Variants in MTUS2 observed in about 807,000 individuals in gnomAD.
MTUS2 encodes the protein microtubule associated scaffold protein 2.
MTUS2 carries 40 observed loss-of-function variants against 114.1 expected under a neutral mutation model. The observed-to-expected ratio is 0.35, with a 90% CI of 0.27 to 0.46. MTUS2 has a LOEUF of 0.46. MTUS2 is among the 20% of genes least tolerant of loss of function. The pLI is 1.00. For synonymous variants in MTUS2, 688 were observed against 672.0 expected, an observed-to-expected ratio of 1.02 and a Z score of -0.37; for missense variants, 1,679 against 1,705.4, an observed-to-expected ratio of 0.98 and a Z score of 0.27.
chr13:28,838,363 A>G (rs756010350), intron 1 of MTUS2, among the ~76,000 whole-genome samples: 112 of 152,280 alleles, frequency 7.4e-4, no homozygotes, highest in Non-Finnish European at 9.7e-4. Flanking sequence ...TCGAATTAAC[A>G]TTGTGTTGGG....
intron 7 of MTUS2, among the ~76,000 whole-genome samples, chr13:29,350,593 T>C (rs1355739827): frequency 1.3e-5 from 2 of 152,078 alleles, no homozygotes; most frequent in South Asian, 2.1e-4. Context: ...AAGATAGTCA[T>C]GAGAGTGGTA....
intron 5 of MTUS2, among the ~76,000 whole-genome samples, chr13:29,257,984 C>T (rs758616973): frequency 6.6e-6 from 1 of 152,194 alleles, no homozygotes; most frequent in African/African-American, 2.4e-5. Context: ...CCTGAAGCCA[C>T]CTCTACTCAG....
At position 29,440,020 on chromosome 13, in the gene MTUS2, T is replaced by C; in HGVS notation, c.3155T>C (p.Ile1052Thr). Residue 1052 changes from isoleucine to threonine, a missense_variant, in exon 9 of 16, where the codon ATC (isoleucine) becomes ACC (threonine). Coordinates refer to ENST00000612955, the MANE Select transcript of MTUS2 (RefSeq NM_001033602.4). ...SALVKEKELS[I>T]ELANIRDEVA... ...CTTGTGAAAGAAAAAGAGCTGTCAATCGAACTTGCAAACATCAGGGATGAA... is the reference window on the plus strand; with the variant it reads ...CTTGTGAAAGAAAAAGAGCTGTCAACCGAACTTGCAAACATCAGGGATGAA... 6.3e-7 allele frequency: 1 copy of C among 1,589,526 alleles called. No homozygotes were observed. The highest frequency in any genetic ancestry group is 8.6e-7 in the Non-Finnish European group (1 of 1,166,258).
chr13:29,500,310 A>G (rs1370519780), intron 14 of MTUS2, among the ~76,000 whole-genome samples: 1 of 152,234 alleles, frequency 6.6e-6, no homozygotes, highest in Non-Finnish European at 1.5e-5. Context: ...AGTCCTGTTC[A>G]TGGAAAAGGG....
intron 8 of MTUS2, among the ~76,000 whole-genome samples, chr13:29,363,031 C>T (rs768154302): frequency 6.6e-6 from 1 of 152,298 alleles, no homozygotes; most frequent in East Asian, 1.9e-4. Context: ...TTCCTCACCA[C>T]GGGCCAAACA....
At chr13:28,936,529 A>T (rs1881908400) in intron 2 of MTUS2, among the ~76,000 whole-genome samples, 1 of 151,730 alleles carries the variant, frequency 6.6e-6, no homozygotes, top group South Asian at 2.1e-4. Context: ...GTTGGATGGG[A>T]CTGAGTGTCT....
chr13:29,255,084 G>C (rs987016710), intron 5 of MTUS2, among the ~76,000 whole-genome samples: 3 of 152,120 alleles, frequency 2.0e-5, no homozygotes, highest in Non-Finnish European at 4.4e-5. Context: ...TTTCCCAGCG[G>C]TGCACACATG....
intron 2 of MTUS2, among the ~76,000 whole-genome samples, chr13:28,907,738 C>A (rs1880131577): frequency 6.6e-6 from 1 of 151,696 alleles, no homozygotes; most frequent in South Asian, 2.1e-4. Context: ...TACAGGAGCA[C>A]CCAAATTCAT....
intron 4 of MTUS2, among the ~76,000 whole-genome samples, chr13:29,075,794 G>C (rs1216270430): frequency 1.3e-5 from 2 of 152,162 alleles, no homozygotes; most frequent in Non-Finnish European, 2.9e-5. Flanking sequence ...GTTAGTGTCT[G>C]AACAGGATCA....
chr13:28,834,503 A>G (rs1466040104), intron 1 of MTUS2, among the ~76,000 whole-genome samples: 1 of 152,180 alleles, frequency 6.6e-6, no homozygotes, highest in Non-Finnish European at 1.5e-5. Context: ...ATGAAGTTGG[A>G]TCCTACTTCA....
intron 2 of MTUS2, among the ~76,000 whole-genome samples, chr13:28,927,272 C>T (rs1427969593): frequency 3.3e-5 from 5 of 151,976 alleles, no homozygotes; most frequent in Admixed American, 1.3e-4. Context: ...AAGAAAGATA[C>T]AAAAAATAGC....
chr13:29,161,004 G>A (rs1893074042), intron 5 of MTUS2, among the ~76,000 whole-genome samples: 1 of 152,204 alleles, frequency 6.6e-6, no homozygotes, highest in African/African-American at 2.4e-5. Flanking sequence ...GGTTATGGAT[G>A]AAGTAGGGTG....
At chr13:28,878,527 C>T (rs1429647651) in intron 2 of MTUS2, among the ~76,000 whole-genome samples, 2 of 152,118 alleles carry the variant, frequency 1.3e-5, no homozygotes, top group African/African-American at 2.4e-5. Context: ...TTGTTCTTCT[C>T]CCTGTGTCCA....
chr13:29,177,818 G>A (rs1049755669), intron 5 of MTUS2, among the ~76,000 whole-genome samples: 1 of 152,110 alleles, frequency 6.6e-6, no homozygotes, highest in African/African-American at 2.4e-5. Context: ...TCCAATGTGT[G>A]CTCAGATGAG....
intron 7 of MTUS2, among the ~76,000 whole-genome samples, chr13:29,335,648 C>T (rs1485195167): frequency 6.6e-6 from 1 of 152,108 alleles, no homozygotes; most frequent in Non-Finnish European, 1.5e-5. Flanking sequence ...TGTACTCTTT[C>T]CCTTTATTTC....
rs575698106 is a variant in MTUS2, at chr13:29,454,119, A to G, written c.3184+14070A>G. 4.6e-5 allele frequency among the ~76,000 whole-genome samples: 7 copies of G among 152,358 alleles called. No individual in the cohort carries two copies. In the South Asian group the frequency reaches 1.4e-3, roughly 32 times the overall value. Reference sequence around the variant, plus strand: ...GTCAAAGGACGTCAATCTGTTGAACAAGATGATAACTTGACCAATTCTGCA... The same window carrying G: ...GTCAAAGGACGTCAATCTGTTGAACGAGATGATAACTTGACCAATTCTGCA... On this transcript the variant is annotated intron_variant, in intron 9 of 15. Transcript: ENST00000612955.
chr13:28,999,849 A>G (rs1885303560), intron 2 of MTUS2, among the ~76,000 whole-genome samples: 1 of 152,170 alleles, frequency 6.6e-6, no homozygotes, highest in Admixed American at 6.5e-5. Context: ...TTTAGATTCC[A>G]TATATGAGTG....
Position 28,876,342 on chromosome 13 carries a change from A to T in MTUS2, c.-243+36492A>T, listed in dbSNP as rs530813882. Among the ~76,000 whole-genome samples the T allele has an allele frequency of 4.6e-5, 7 of 152,294 alleles. No individual in the cohort carries two copies. The Middle Eastern group carries it at 0.01, about 222-fold the overall frequency. ...TGTTTACACAGCATATCCAGTAAAG[A>T]TTGGTTAAAGAATGAGATTTATTGG... On this transcript the variant is annotated intron_variant, in intron 2 of 15. Coordinates refer to ENST00000612955, the MANE Select transcript of MTUS2 (RefSeq NM_001033602.4).
rs1879698022 is a variant in MTUS2 at position 28,902,397 on chromosome 13, G to T, written c.-243+62547G>T. Among the ~76,000 whole-genome samples, 12 of 152,164 alleles carry T rather than the reference G, an allele frequency of 7.9e-5. No homozygotes were observed. The South Asian group carries it at 2.5e-3, about 32-fold the overall frequency. Reference sequence around the variant, plus strand: ...GAGTGGATCACCTTAACTTGCTCCTGATCTTAGGGGAAACATTCAGGCATT... The same window carrying T: ...GAGTGGATCACCTTAACTTGCTCCTTATCTTAGGGGAAACATTCAGGCATT... On this transcript the variant is annotated intron_variant, in intron 2 of 15. Transcript: ENST00000612955.
Sources: gnomAD v4.1 joint callset for allele counts (sites outside exome capture counted in the v4.1 genomes callset) on GRCh38, gnomAD v4.1.1 for gene constraint, MANE v1.5 for transcripts, NCBI Gene and HGNC (gene_info 2026-07-23, HGNC 2026-07-21) for gene names.